The following PPRC1 variants were observed in gnomAD, a reference collection of about 807,000 sequenced individuals.
PPRC1 encodes the protein PPARG related coactivator 1, also known as peroxisome proliferator-activated receptor gamma coactivator-related protein 1.
A neutral mutation model predicts 132.5 loss-of-function variants in PPRC1; 23 were observed. The ratio of observed to expected loss-of-function variants is 0.17; its 90% CI spans 0.12 to 0.25. The LOEUF (loss-of-function observed/expected upper bound fraction) is 0.25, where lower values mean the gene tolerates loss of function less well. Among genes scored for constraint, PPRC1 ranks in the 10% least tolerant of loss-of-function variants. The pLI is 1.00. For missense variants in PPRC1, 2,006 were observed against 2,089.1 expected (o/e 0.96, Z 0.78); for synonymous variants, 872 against 833.5 (o/e 1.05, Z -0.80).
chr10:102,121,361 A>G, the PPRC1 span, among the ~76,000 whole-genome samples: 1 of 152,116 alleles, frequency 6.6e-6, no homozygotes, highest in African/African-American at 2.4e-5. Context: ...GGAGATGAGA[A>G]CAGGAAACAG....
chr10:102,129,754 G>A (rs1352224282), upstream of PPRC1, among the ~76,000 whole-genome samples: 1 of 152,064 alleles, frequency 6.6e-6, no homozygotes, highest in Admixed American at 6.6e-5. Context: ...ACAGGTAGGC[G>A]CCACCACGCT....
intron 1 of PPRC1, among the ~76,000 whole-genome samples, chr10:102,136,914 G>T (rs936837845): frequency 6.6e-6 from 1 of 152,206 alleles, no homozygotes; most frequent in African/African-American, 2.4e-5. Context: ...TCTTAGAGGA[G>T]TGTGGGGCGG....
intron 1 of PPRC1, 50 bp downstream of exon 1, chr10:102,133,271 G>A (rs2068588910): frequency 2.4e-6 from 3 of 1,238,118 alleles, no homozygotes; most frequent in East Asian, 3.0e-5. Context: ...GGTGTGTGCC[G>A]GGCGGTGACA....
At chr10:102,138,502 G>C in intron 2 of PPRC1, 117 bp from the exon 3 acceptor site, 2 of 1,263,454 alleles carry the variant, frequency 1.6e-6, no homozygotes, top group South Asian at 2.9e-5. Flanking sequence ...GATCCTTCTC[G>C]CTGCCCCATT....
chr10:102,131,123 A>C (rs1388829873), upstream of PPRC1, among the ~76,000 whole-genome samples: 1 of 148,976 alleles, frequency 6.7e-6, no homozygotes, highest in African/African-American at 2.5e-5. Context: ...TGAACCTGGG[A>C]GGTGGAGGTT....
At chr10:102,145,567 TAAAA>T (rs544168412) in intron 8 of PPRC1, among the ~76,000 whole-genome samples, 4 of 117,398 alleles carry the variant, frequency 3.4e-5, no homozygotes, top group African/African-American at 1.3e-4. Flanking sequence ...CAAGACTATC[TAAAA>T]AAAAAAAAAA....
In PPRC1 at chr10:102,144,389, C is replaced by G. The variant is rs2069128444; in HGVS notation, c.3608+82C>G. 15 of 1,366,950 alleles carry G rather than the reference C, an allele frequency of 1.1e-5. No homozygotes were observed. In the South Asian group the frequency reaches 1.7e-4, roughly 15 times the overall value. The allele number at this position is 1,366,950 out of a possible 1,614,324, so 84.7% of individuals were successfully genotyped here. On this transcript the variant is annotated intron_variant, in intron 7 of 13. Transcript: ENST00000278070. The stretch of plus-strand genomic sequence containing the variant: ...CACTCCAGGACTGTCAACTGGATGC[C>G]TCTGTTGCAGGGACGCTGTAGTCAG...
the PPRC1 span, among the ~76,000 whole-genome samples, chr10:102,127,442 C>T: frequency 2.0e-5 from 3 of 152,164 alleles, no homozygotes; most frequent in East Asian, 1.9e-4. Context: ...AGTGCAGTGG[C>T]GCAATCTCAG....
upstream of PPRC1, among the ~76,000 whole-genome samples, chr10:102,130,494 G>A (rs534809249): frequency 4.8e-4 from 73 of 151,316 alleles, no homozygotes; most frequent in Middle Eastern, 6.9e-3. Context: ...CCAGAACTTT[G>A]GGAGGCTGAG....
At position 102,148,790 on chromosome 10, in the gene PPRC1, T is replaced by C; in HGVS notation, c.4618-27T>C. The C allele has an allele frequency of 6.2e-7, 1 of 1,614,110 alleles. No individual in the cohort carries two copies. The highest frequency in any genetic ancestry group is 8.5e-7 in the Non-Finnish European group (1 of 1,180,004). On this transcript the variant is annotated intron_variant, in intron 11 of 13. Transcript: ENST00000278070. This position sits in a 1 kb window ranked among gnomAD's most constrained non-coding sequence, Gnocchi z 4.2. ...AGCTGTAGCCCTGGCTAATGGTGTG[T>C]TGATTTTTTTTCATTTCCAAACATA... is the stretch of plus-strand genomic sequence containing the variant.
the PPRC1 span, chr10:102,120,062 C>T: frequency 7.0e-7 from 1 of 1,425,632 alleles, no homozygotes; most frequent in Non-Finnish European, 9.3e-7. Context: ...AGGAAGGGGC[C>T]GAGTGGCCGC....
At chr10:102,127,037 A>G in the PPRC1 span, among the ~76,000 whole-genome samples, 39 of 53,404 alleles carry the variant, frequency 7.3e-4, 1 homozygote, top group African/African-American at 1.4e-3. Flanking sequence ...ATATATATAT[A>G]TATATATATA....
rs2068971398 is a variant in PPRC1 at position 102,141,389 on chromosome 10, G to T, written c.2881G>T (p.Val961Leu). Residue 961 changes from valine (V) to leucine (L), a missense_variant, in exon 5 of 14, where the codon GTG becomes TTG. Val to Leu is a conservative substitution (Grantham distance 32, BLOSUM62 1). Coordinates refer to ENST00000278070, the MANE Select transcript of PPRC1 (RefSeq NM_015062.5). ...GAYAVPPTCS[V>L]PWAPPPAPVS... is the part of the protein sequence containing the mutation. ...CTATGCCGTGCCTCCCACTTGCAGT[G>T]TGCCTTGGGCACCCCCTCCTGCCCC... The T allele has an allele frequency of 3.1e-6, 5 of 1,613,928 alleles. No homozygotes were observed. In the East Asian group the frequency reaches 1.1e-4, roughly 36 times the overall value.
intron 6 of PPRC1, among the ~76,000 whole-genome samples, chr10:102,143,642 G>C (rs929821642): frequency 6.6e-6 from 1 of 151,146 alleles, no homozygotes; most frequent in African/African-American, 2.4e-5. Context: ...GGTTGGGGTT[G>C]TTTAGGGACA....
In PPRC1 at chr10:102,140,416, G is replaced by A. The variant is rs1324227401; in HGVS notation, c.1908G>A (p.Leu636=). ...AGCCAGTGCTGATCAACCCAGTCCTGGCTGACTCAGCAGCAGTTGACCCTG... is the reference window on the plus strand; with the variant it reads ...AGCCAGTGCTGATCAACCCAGTCCTAGCTGACTCAGCAGCAGTTGACCCTG... The part of the protein sequence containing the change: ...PAEPVLINPV[L]ADSAAVDPAV... The change falls in exon 5 of 14, where the codon CTG becomes CTA. Residue 636 remains leucine, a synonymous_variant. Transcript: ENST00000278070. The A allele has an allele frequency of 6.2e-7, 1 of 1,614,152 alleles. No individual in the cohort carries two copies. The highest frequency in any genetic ancestry group is 1.3e-5 in the African/African-American group (1 of 75,034).
chr10:102,124,375 T>C, the PPRC1 span, among the ~76,000 whole-genome samples: 1 of 152,000 alleles, frequency 6.6e-6, no homozygotes, highest in African/African-American at 2.4e-5. Flanking sequence ...CTTTCTTTTC[T>C]TTCTTGTTGA....
chr10:102,139,384 G>A lies in PPRC1; in HGVS notation c.876G>A (p.Met292Ile), dbSNP rs774605871. The A allele has an allele frequency of 3.7e-6, 6 of 1,614,132 alleles. No individual in the cohort carries two copies. The South Asian group carries it at 4.4e-5, about 12-fold the overall frequency. The change falls in exon 5 of 14, where the codon ATG becomes ATA. Residue 292 changes from methionine to isoleucine, a missense_variant. By Grantham distance (10) the Met-to-Ile change is conservative. Around this residue, in one of 2 missense-constraint regions of PPRC1, gnomAD observed 1,914 missense variants for 1,917.2 expected, o/e 1.00. Transcript: ENST00000278070. Reference sequence around the variant, plus strand: ...AAGATAAAGCAACAGCAGCAGAGATGGCAGTGCCAGCAGCTGGTGATGAGA... The same window carrying A: ...AAGATAAAGCAACAGCAGCAGAGATAGCAGTGCCAGCAGCTGGTGATGAGA... ...EEEDKATAAE[M>I]AVPAAGDESI...
In PPRC1 at chr10:102,139,571, G is replaced by A. The variant is rs1205272807; in HGVS notation, c.1063G>A (p.Ala355Thr). Residue 355 changes from alanine (A) to threonine (T), a missense_variant, in exon 5 of 14, where the codon GCT (alanine) becomes ACT (threonine). By Grantham distance (58) the Ala-to-Thr change is moderately conservative (BLOSUM62 0). Transcript: ENST00000278070. ...GGAGATTGTGGGGCAGGCAGCCACAGCTGGCGATGACCTGGAGATCCCAGT... is the reference window on the plus strand; with the variant it reads ...GGAGATTGTGGGGCAGGCAGCCACAACTGGCGATGACCTGGAGATCCCAGT... Reference protein sequence around the residue: ...VLEIVGQAATAGDDLEIPVVV... With the variant: ...VLEIVGQAATTGDDLEIPVVV... 6.2e-7 allele frequency: 1 copy of A among 1,613,920 alleles called. No homozygotes were observed. The highest frequency in any genetic ancestry group is 1.3e-5 in the African/African-American group (1 of 75,066).
chr10:102,146,765 C>T lies in PPRC1; in HGVS notation c.3773C>T (p.Ala1258Val), dbSNP rs1253325551. 1 of 1,614,134 alleles carries T rather than the reference C, an allele frequency of 6.2e-7. No individual in the cohort carries two copies. The highest frequency in any genetic ancestry group is 8.5e-7 in the Non-Finnish European group (1 of 1,180,018). ...LAKAKSPKST[A>V]QEGTLKPEGV... is the part of the protein sequence containing the mutation. ...AAAGCCAAATCTCCTAAGTCCACCG[C>T]CCAGGAGGGAACCCTGAAGCCTGAA... The change falls in exon 9 of 14, where the codon GCC (alanine) becomes GTC (valine). Residue 1258 changes from alanine (A) to valine (V), a missense_variant. Physicochemically the swap from Ala to Val is moderately conservative, Grantham distance 64. Around this residue, in one of 2 missense-constraint regions of PPRC1, gnomAD observed 1,914 missense variants for 1,917.2 expected, o/e 1.00. Coordinates refer to ENST00000278070, the MANE Select transcript of PPRC1 (RefSeq NM_015062.5).
Sources: allele counts gnomAD v4.1 joint callset (sites outside exome capture counted in the v4.1 genomes callset), GRCh38; gene constraint gnomAD v4.1.1; regional missense constraint gnomAD v4.1.1; non-coding constraint Gnocchi (gnomAD v3.1); transcripts MANE v1.5; gene names NCBI Gene and HGNC (gene_info 2026-07-23, HGNC 2026-07-21).